The following JAKMIP3 variants were observed in gnomAD, a reference collection of about 807,000 sequenced individuals.
JAKMIP3 encodes the protein Janus kinase and microtubule interacting protein 3.
A neutral mutation model predicts 118.5 loss-of-function variants in JAKMIP3; 58 were observed. That is an observed-to-expected ratio of 0.49 (90% CI 0.40 to 0.61). JAKMIP3 has a LOEUF of 0.61. Among genes scored for constraint, JAKMIP3 ranks in the 20% least tolerant of loss-of-function variants. The pLI, the probability that JAKMIP3 is intolerant of heterozygous loss-of-function variation, is 0.00. For missense variants in JAKMIP3, 950 were observed against 1,109.0 expected (o/e 0.86, Z 2.04); for synonymous variants, 486 against 451.2 (o/e 1.08, Z -0.98).
chr10:132,135,590 G>A (rs1199659069), intron 5 of JAKMIP3, among the ~76,000 whole-genome samples: 1 of 152,248 alleles, frequency 6.6e-6, no homozygotes, highest in African/African-American at 2.4e-5. Flanking sequence ...AAGACAAAGC[G>A]CTGGCCCCAG....
chr10:132,082,350 C>A (rs2134228815), intron 1 of JAKMIP3, among the ~76,000 whole-genome samples: 1 of 151,986 alleles, frequency 6.6e-6, no homozygotes, highest in Admixed American at 6.6e-5. Flanking sequence ...TACACTGCAC[C>A]CAATTTGTAG....
upstream of JAKMIP3, among the ~76,000 whole-genome samples, chr10:132,036,485 C>T (rs534000533): frequency 9.9e-5 from 15 of 152,250 alleles, no homozygotes; most frequent in East Asian, 3.9e-4. Context: ...TATTTTCAGC[C>T]ACGCCGAGCC....
In JAKMIP3 at chr10:132,138,071, G is replaced by C. The variant is rs1401975701; in HGVS notation, c.1285-48G>C. ...GGCAGTAAACCGTGGACTGAAACCG[G>C]TGGAGCTGCTCTACCACTTACACAA... On this transcript the variant is annotated intron_variant, in intron 8 of 23. Coordinates refer to ENST00000684848, the MANE Select transcript of JAKMIP3 (RefSeq NM_001323087.2). 2.6e-6 allele frequency: 4 copies of C among 1,561,682 alleles called. No homozygotes were observed. In the African/African-American group the frequency reaches 5.4e-5, roughly 21 times the overall value.
chr10:132,137,138 T>A lies in JAKMIP3; in HGVS notation c.1236T>A (p.Asp412Glu), dbSNP rs75996870. The A allele has an allele frequency of 1.2e-6, 2 of 1,613,780 alleles. No homozygotes were observed. Among genetic ancestry groups the A allele is most frequent in the Admixed American group, 3.3e-5 (2 of 59,992 alleles). The change falls in exon 7 of 24, where the codon GAT becomes GAA. Residue 412 changes from aspartate to glutamate, a missense_variant. Asp to Glu is a conservative substitution (Grantham distance 45, BLOSUM62 2). Transcript: ENST00000684848. The part of the protein sequence containing the change: ...LQIVEQQNLI[D>E]ELSKTLETAG... ...TTGTGGAGCAGCAAAACCTCATAGATGAACTGTCTAAGGTACCCGGCGGGC... is the reference window on the plus strand; with the variant it reads ...TTGTGGAGCAGCAAAACCTCATAGAAGAACTGTCTAAGGTACCCGGCGGGC...
rs1307921435 is a variant in JAKMIP3, at chr10:132,179,938, C to A, written c.*1104-2419C>A. 6.6e-6 allele frequency among the ~76,000 whole-genome samples: 1 copy of A among 152,208 alleles called. No homozygotes were observed. Among genetic ancestry groups the A allele is most frequent in the Non-Finnish European group, 1.5e-5 (1 of 68,050 alleles). On this transcript the variant is annotated intron_variant, in intron 23 of 23. Transcript: ENST00000684848. This position sits in a 1 kb window ranked among gnomAD's most constrained non-coding sequence, Gnocchi z 4.3. The stretch of plus-strand genomic sequence containing the variant: ...CCCTGTGAGGTGCACACGGGGCACA[C>A]ACTCCCTCCAGCAGCAAAACACAGC...
At chr10:132,098,976 G>A (rs1029040010) in intron 1 of JAKMIP3, among the ~76,000 whole-genome samples, 9 of 152,218 alleles carry the variant, frequency 5.9e-5, no homozygotes, top group African/African-American at 1.9e-4. Context: ...ATTTAGCCCA[G>A]AAAGAATGCA....
chr10:132,090,586 T>A (rs2042974849), intron 1 of JAKMIP3, among the ~76,000 whole-genome samples: 1 of 152,198 alleles, frequency 6.6e-6, no homozygotes, highest in East Asian at 1.9e-4. Context: ...TTGCATCTAT[T>A]TGATTCTCTC....
intron 1 of JAKMIP3, among the ~76,000 whole-genome samples, chr10:132,086,877 C>T (rs779494609): frequency 7.2e-5 from 11 of 152,260 alleles, no homozygotes; most frequent in South Asian, 4.1e-4. Flanking sequence ...TATTGAGATG[C>T]GAGGTGCTGT....
intron 10 of JAKMIP3, 33 bp from the exon 11 acceptor site, chr10:132,141,887 C>T: frequency 2.5e-6 from 4 of 1,579,296 alleles, no homozygotes; most frequent in Non-Finnish European, 3.4e-6. Context: ...GACACTGTGT[C>T]TCTGTGCGTG....
chr10:132,056,480 A>G (rs142369098), intron 1 of JAKMIP3, among the ~76,000 whole-genome samples: 3 of 152,234 alleles, frequency 2.0e-5, no homozygotes, highest in African/African-American at 7.2e-5. Flanking sequence ...CTGGAGACCA[A>G]TCGAGGCCAT....
chr10:132,159,850 G>A (rs1235080605), intron 19 of JAKMIP3, among the ~76,000 whole-genome samples: 3 of 68,140 alleles, frequency 4.4e-5, no homozygotes, highest in South Asian at 8.6e-4. Context: ...ATGCTGGGGG[G>A]CCTCTCCCTG....
intron 2 of JAKMIP3, among the ~76,000 whole-genome samples, chr10:132,114,748 A>G (rs960839651): frequency 1.3e-5 from 2 of 152,182 alleles, no homozygotes; most frequent in Admixed American, 1.3e-4. Flanking sequence ...ATATTCTTCC[A>G]TTTATTTAAA....
chr10:132,058,957 G>T (rs369575641), intron 1 of JAKMIP3, among the ~76,000 whole-genome samples: 3 of 152,222 alleles, frequency 2.0e-5, no homozygotes, highest in East Asian at 3.9e-4. Context: ...GCCCACGTGA[G>T]CCTGGCTGCC....
rs1001537549 is a variant in JAKMIP3 at position 132,184,815 on chromosome 10, T to C, written c.*3562T>C. On this transcript the variant is annotated 3_prime_UTR_variant, in exon 24 of 24. Coordinates refer to ENST00000684848, the MANE Select transcript of JAKMIP3 (RefSeq NM_001323087.2). Reference sequence around the variant, plus strand: ...AAAAAATGTTTTAAATCTTAGACGATTAAAGTCCCCTCAAAGGTATTAAAG... The same window carrying C: ...AAAAAATGTTTTAAATCTTAGACGACTAAAGTCCCCTCAAAGGTATTAAAG... 4 of 152,244 alleles carry C rather than the reference T, an allele frequency of 2.6e-5. No individual in the cohort carries two copies. The highest frequency in any genetic ancestry group is 6.5e-5 in the Admixed American group (1 of 15,284). 9.4% of individuals were successfully genotyped at this position (152,244 alleles called of 1,614,324 possible). A position where few individuals can be genotyped will look rare whatever the true frequency, so the allele number is the denominator to read the frequency against.
chr10:132,159,734 G>A (rs1439982735), intron 19 of JAKMIP3, among the ~76,000 whole-genome samples: 28 of 84,098 alleles, frequency 3.3e-4, no homozygotes, highest in East Asian at 1.1e-3. Flanking sequence ...ATGTCTTCCT[G>A]TGTGATACTG....
At chr10:132,067,941 G>A (rs2039141964) in intron 1 of JAKMIP3, among the ~76,000 whole-genome samples, 4 of 147,562 alleles carry the variant, frequency 2.7e-5, no homozygotes, top group African/African-American at 7.6e-5. Context: ...GTGGGCTTCC[G>A]TGTGGACTCT....
rs534603472 is a variant in JAKMIP3, at chr10:132,154,147, C to T, written c.2220+157C>T. Among the ~76,000 whole-genome samples, 5 of 152,372 alleles carry T rather than the reference C, an allele frequency of 3.3e-5. No individual in the cohort carries two copies. In the South Asian group the frequency reaches 1.0e-3, roughly 32 times the overall value. ...CACCTGCACAGCAGGCTCTGGCTCT[C>T]CAGAGCTGCCTGATGGGGTCTTCAC... On this transcript the variant is annotated intron_variant, in intron 19 of 23. Transcript: ENST00000684848.
chr10:132,065,550 G>A (rs978382791), upstream of JAKMIP3, among the ~76,000 whole-genome samples: 4 of 152,138 alleles, frequency 2.6e-5, no homozygotes, highest in Non-Finnish European at 5.9e-5. The surrounding 1 kb of genome is among the most constrained non-coding windows in gnomAD (Gnocchi z 5.6). Context: ...GGGGCGGTGA[G>A]GGCAGGGATG....
At chr10:132,103,359 A>T (rs1013726314) in intron 1 of JAKMIP3, among the ~76,000 whole-genome samples, 6 of 147,426 alleles carry the variant, frequency 4.1e-5, no homozygotes, top group Non-Finnish European at 9.0e-5. Context: ...GCTGGAGAGG[A>T]ACATCAGGGG....
Sources: gnomAD v4.1 joint callset for allele counts (sites outside exome capture counted in the v4.1 genomes callset) on GRCh38, gnomAD v4.1.1 for gene constraint, Gnocchi (gnomAD v3.1) non-coding constraint, MANE v1.5 for transcripts, NCBI Gene and HGNC (gene_info 2026-07-23, HGNC 2026-07-21) for gene names.